The following DOCK2 variants were observed in gnomAD, a reference collection of about 807,000 sequenced individuals.
DOCK2 encodes the protein dedicator of cytokinesis protein 2.
Under a neutral mutation model 248.9 loss-of-function variants are expected in DOCK2, and 87 were observed. The observed-to-expected ratio is 0.35, with a 90% CI of 0.29 to 0.42. DOCK2 has a LOEUF of 0.42. DOCK2 is among the 10% of genes least tolerant of loss of function. The pLI, the probability that DOCK2 is intolerant of heterozygous loss-of-function variation, is 1.00. For synonymous variants in DOCK2, 805 were observed against 821.6 expected, an observed-to-expected ratio of 0.98 and a Z score of 0.35; for missense variants, 1,747 against 2,300.2, an observed-to-expected ratio of 0.76 and a Z score of 4.92.
At chr5:169,774,306 T>A (rs1765257669) in intron 25 of DOCK2, among the ~76,000 whole-genome samples, 1 of 152,220 alleles carries the variant, frequency 6.6e-6, no homozygotes, top group African/African-American at 2.4e-5. Context: ...CACCACTTAT[T>A]TAACCATGAT....
At chr5:169,753,329 A>G (rs2113710509) in intron 23 of DOCK2, among the ~76,000 whole-genome samples, 1 of 151,952 alleles carries the variant, frequency 6.6e-6, no homozygotes, top group Admixed American at 6.5e-5. Flanking sequence ...TGCATCAGCT[A>G]TTTGTCCCGA....
chr5:169,799,812 T>G (rs1054896806), intron 25 of DOCK2, among the ~76,000 whole-genome samples: 104 of 117,172 alleles, frequency 8.9e-4, no homozygotes, highest in Admixed American at 5.7e-3. Context: ...AACGAGTTGG[T>G]TTTTTTTTCT....
At chr5:169,729,181 G>A (rs1220752228) in intron 22 of DOCK2, among the ~76,000 whole-genome samples, 3 of 152,094 alleles carry the variant, frequency 2.0e-5, no homozygotes, top group Admixed American at 6.5e-5. Context: ...TGAACATACC[G>A]GATAAGAAGG....
chr5:170,013,444 C>T lies in DOCK2; in HGVS notation c.3232+4698C>T, dbSNP rs185396936. Among the ~76,000 whole-genome samples, 11 of 152,030 alleles carry T rather than the reference C, an allele frequency of 7.2e-5. No individual in the cohort carries two copies. In the East Asian group the frequency reaches 2.1e-3, roughly 29 times the overall value. On this transcript the variant is annotated intron_variant, in intron 32 of 51. Coordinates refer to ENST00000520908, the MANE Select transcript of DOCK2 (RefSeq NM_004946.3). ...GTGTCTTGGGCTATCCAAGTGGGCT[C>T]AGTACAATTACAGCATCCTTATAGG...
intron 38 of DOCK2, among the ~76,000 whole-genome samples, chr5:170,044,952 A>C (rs1756649029): frequency 6.6e-6 from 1 of 151,886 alleles, no homozygotes; most frequent in South Asian, 2.1e-4. Context: ...GACCGTCCTG[A>C]CCTCCTTCGG....
At chr5:169,772,256 T>C (rs1367234561) in intron 25 of DOCK2, among the ~76,000 whole-genome samples, 1 of 152,264 alleles carries the variant, frequency 6.6e-6, no homozygotes, top group Non-Finnish European at 1.5e-5. Flanking sequence ...AGTGTGATGT[T>C]AGCATCCTGG....
intron 6 of DOCK2, among the ~76,000 whole-genome samples, chr5:169,675,481 T>A (rs994668705): frequency 2.0e-5 from 3 of 152,046 alleles, no homozygotes; most frequent in Non-Finnish European, 4.4e-5. Flanking sequence ...CAATTAGGAG[T>A]AAGCCACAAG....
chr5:169,959,157 C>T (rs1377472608), intron 27 of DOCK2, among the ~76,000 whole-genome samples: 1 of 151,972 alleles, frequency 6.6e-6, no homozygotes, highest in Non-Finnish European at 1.5e-5. Flanking sequence ...CTTTGGGAGG[C>T]CGAGGGGGGC....
intron 27 of DOCK2, among the ~76,000 whole-genome samples, chr5:169,979,707 G>C (rs1184379143): frequency 6.6e-6 from 1 of 152,198 alleles, no homozygotes; most frequent in Non-Finnish European, 1.5e-5. Context: ...CCAAACTTCA[G>C]TCACATTGCA....
intron 23 of DOCK2, among the ~76,000 whole-genome samples, chr5:169,753,227 G>A (rs1287725403): frequency 6.6e-6 from 1 of 152,096 alleles, no homozygotes; most frequent in Non-Finnish European, 1.5e-5. Flanking sequence ...TGACATACCT[G>A]CACAGAATGT....
At chr5:169,909,618 C>T (rs554077553) in intron 27 of DOCK2, among the ~76,000 whole-genome samples, 3 of 152,272 alleles carry the variant, frequency 2.0e-5, no homozygotes, top group South Asian at 2.1e-4. Context: ...GACCAACATA[C>T]ATATCTTCTA....
At chr5:169,743,832 A>G (rs1581127761) in intron 22 of DOCK2, among the ~76,000 whole-genome samples, 2 of 148,328 alleles carry the variant, frequency 1.3e-5, no homozygotes, top group Middle Eastern at 3.6e-3. Context: ...TTAGATATAT[A>G]TATTTATATT....
intron 25 of DOCK2, among the ~76,000 whole-genome samples, chr5:169,778,890 A>G (rs1395204061): frequency 6.6e-6 from 1 of 152,126 alleles, no homozygotes; most frequent in Admixed American, 6.5e-5. Flanking sequence ...CTATATATCC[A>G]AGAAAATTTT....
intron 1 of DOCK2, among the ~76,000 whole-genome samples, chr5:169,649,713 T>G (rs750430308): frequency 6.6e-6 from 1 of 152,222 alleles, no homozygotes; most frequent in Non-Finnish European, 1.5e-5. Flanking sequence ...TAACATCTCT[T>G]TGAGTTTCTT....
In DOCK2 at chr5:169,801,135, G is replaced by A. The variant is rs1331740816; in HGVS notation, c.2555-1923G>A. ...TTACAGGTGCCTGCCACCATGCCCA[G>A]ATAGTTTTGGGTTTTTTTTTTTTTT... On this transcript the variant is annotated intron_variant, in intron 25 of 51. Transcript: ENST00000520908. Among the ~76,000 whole-genome samples, 9 of 113,288 alleles carry A rather than the reference G, an allele frequency of 7.9e-5. 1 individual carries two copies. Among genetic ancestry groups the A allele is most frequent in the African/African-American group, 2.7e-4 (8 of 30,134 alleles). The allele number at this position is 113,288 out of a possible 152,430, so 74.3% of individuals were successfully genotyped here.
chr5:169,809,639 A>T (rs1054838281), intron 26 of DOCK2, among the ~76,000 whole-genome samples: 1 of 152,148 alleles, frequency 6.6e-6, no homozygotes, highest in Non-Finnish European at 1.5e-5. Context: ...AGCTTCCCTG[A>T]GCCACAGGTG....
chr5:169,899,820 A>G lies in DOCK2; in HGVS notation c.2799+58968A>G, dbSNP rs147640017. Among the ~76,000 whole-genome samples the G allele has an allele frequency of 5.4e-3, 826 of 152,266 alleles. 11 individuals carry two copies. The highest frequency in any genetic ancestry group is 0.016 in the African/African-American group (670 of 41,554). On this transcript the variant is annotated intron_variant, in intron 27 of 51. Coordinates refer to ENST00000520908, the MANE Select transcript of DOCK2 (RefSeq NM_004946.3). The stretch of plus-strand genomic sequence containing the variant: ...CCTTTTGTTGACTCCATAAGTTTTT[A>G]TTCTTACTTTCTTTACTCTCAGATT...
chr5:170,066,994 T>C (rs1189219914), intron 44 of DOCK2, among the ~76,000 whole-genome samples: 1 of 152,196 alleles, frequency 6.6e-6, no homozygotes, highest in Non-Finnish European at 1.5e-5. Flanking sequence ...TGGCACTCTG[T>C]TTATATCGCC....
chr5:169,875,704 T>C (rs1284481701), intron 27 of DOCK2: 1 of 164,074 alleles, frequency 6.1e-6, no homozygotes, highest in Non-Finnish European at 1.3e-5. Flanking sequence ...TTGTGAGGAT[T>C]AAGTGTGAAA....
Sources: gnomAD v4.1 joint callset for allele counts (sites outside exome capture counted in the v4.1 genomes callset) on GRCh38, gnomAD v4.1.1 for gene constraint, MANE v1.5 for transcripts, NCBI Gene and HGNC (gene_info 2026-07-23, HGNC 2026-07-21) for gene names.